GRIN1: variants seen among roughly 807,000 people sequenced by gnomAD.
GRIN1 encodes glutamate ionotropic receptor NMDA type subunit 1.
A neutral mutation model predicts 103.0 loss-of-function variants in GRIN1; 38 were observed. The ratio of observed to expected loss-of-function variants is 0.37; its 90% CI spans 0.28 to 0.48. The LOEUF is 0.48. Ranked by LOEUF, GRIN1 falls within the 20% of genes least tolerant of loss-of-function variation. The pLI, the probability that GRIN1 is intolerant of heterozygous loss-of-function variation, is 0.98. For synonymous variants in GRIN1, 544 were observed against 532.7 expected (o/e 1.02, Z -0.29); for missense variants, 577 against 1,288.9 (o/e 0.45, Z 8.46).
At chr9:137,162,368 C>G in intron 12 of GRIN1, 36 bp from the exon 13 acceptor site, 1 of 1,557,202 alleles carries the variant, frequency 6.4e-7, no homozygotes, top group East Asian at 2.3e-5. Context: ...GCCGCCTCTC[C>G]CGCCCTCTCT....
chr9:137,162,828 T>C lies in GRIN1; in HGVS notation c.2014-18T>C. 4.3e-6 allele frequency: 7 copies of C among 1,611,364 alleles called. No homozygotes were observed. Among genetic ancestry groups the C allele is most frequent in the Non-Finnish European group, 5.1e-6 (6 of 1,179,410 alleles). ...CCTGGGGAGCCGCCGCCGCGATCCC[T>C]GCCCTCCGACCCTGCAGCTGAGGAA... is the stretch of plus-strand genomic sequence containing the variant. On this transcript the variant is annotated intron_variant, in intron 14 of 19. Transcript: ENST00000371561.
intron 3 of GRIN1, among the ~76,000 whole-genome samples, chr9:137,147,440 GCACACATGCACACGCA>G (rs1278125996): frequency 6.6e-6 from 1 of 151,598 alleles, no homozygotes; most frequent in Non-Finnish European, 1.5e-5. Flanking sequence ...GCACACACAT[GCACACATGCACACGCA>G]CACACATGCA....
At position 137,146,295 on chromosome 9, in the gene GRIN1, C is replaced by T. The variant is rs1832528405; in HGVS notation, c.570+393C>T. Among the ~76,000 whole-genome samples the T allele has an allele frequency of 6.6e-6, 1 of 152,044 alleles. No individual in the cohort carries two copies. Among genetic ancestry groups the T allele is most frequent in the South Asian group, 2.1e-4 (1 of 4,816 alleles). ...CAGCCTCCCTCTGGGCAAGGTCTCC[C>T]CTGTACACGACCCCCACATACCGCC... is the stretch of plus-strand genomic sequence containing the variant. On this transcript the variant is annotated intron_variant, in intron 3 of 19. Coordinates refer to ENST00000371561, the MANE Select transcript of GRIN1 (RefSeq NM_007327.4). The surrounding 1 kb of genome is among the most constrained non-coding windows in gnomAD (Gnocchi z 6.7).
chr9:137,148,530 C>T (rs1245375168), intron 3 of GRIN1, among the ~76,000 whole-genome samples: 5 of 152,356 alleles, frequency 3.3e-5, no homozygotes, highest in South Asian at 2.1e-4. Context: ...GGAGCCCGCC[C>T]GCCTGGCCAC....
In GRIN1 at chr9:137,146,157, G is replaced by A. The variant is rs532015796; in HGVS notation, c.570+255G>A. ...GGAGCTCCGCAAACACCCCTGCCCC[G>A]CGCTGCCGAGCGCCCTCGTCCCCTC... On this transcript the variant is annotated intron_variant, in intron 3 of 19. Coordinates refer to ENST00000371561, the MANE Select transcript of GRIN1 (RefSeq NM_007327.4). The surrounding 1 kb of genome is among the most constrained non-coding windows in gnomAD (Gnocchi z 6.7). Among the ~76,000 whole-genome samples the A allele has an allele frequency of 5.3e-5, 8 of 152,122 alleles. No individual in the cohort carries two copies. Among genetic ancestry groups the A allele is most frequent in the East Asian group, 1.9e-4 (1 of 5,162 alleles).
At position 137,161,213 on chromosome 9, in the gene GRIN1, A is replaced by AGGGCGCG. The variant is rs765985485; in HGVS notation, c.1339+28_1339+34dup. ...CCGGGCAGCCGTGAGTGCGCGGGGC[A>AGGGCGCG]GGGCGCGGGGCGCGGGGCAGGGCGC... On this transcript the variant is annotated intron_variant, in intron 9 of 19. Transcript: ENST00000371561. 2.2e-5 allele frequency: 36 copies of AGGGCGCG among 1,605,824 alleles called. No homozygotes were observed. Among genetic ancestry groups the AGGGCGCG allele is most frequent in the East Asian group, 1.1e-4 (5 of 44,570 alleles).
intron 10 of GRIN1, 107 bp from the exon 11 acceptor site, chr9:137,161,817 T>C: frequency 2.6e-6 from 3 of 1,170,604 alleles, no homozygotes; most frequent in Non-Finnish European, 3.7e-6. Context: ...GGTAGGGTCT[T>C]GGGGAGAAGA....
intron 6 of GRIN1, among the ~76,000 whole-genome samples, chr9:137,157,845 C>G (rs1021423430): frequency 3.3e-5 from 5 of 152,260 alleles, no homozygotes; most frequent in Admixed American, 1.3e-4. Context: ...CACACAGACT[C>G]AGGCACATGA....
chr9:137,161,510 G>A, intron 10 of GRIN1, 94 bp downstream of exon 10: 1 of 1,230,282 alleles, frequency 8.1e-7, no homozygotes, highest in African/African-American at 1.5e-5. Context: ...GCTTGCAGAT[G>A]GTGGGGGGTC....
Position 137,167,675 on chromosome 9 carries a change from C to T in GRIN1, c.*148C>T. 7 of 1,544,414 alleles carry T rather than the reference C, an allele frequency of 4.5e-6. No homozygotes were observed. The highest frequency in any genetic ancestry group is 2.4e-5 in the East Asian group (1 of 41,602). On this transcript the variant is annotated 3_prime_UTR_variant, in exon 20 of 20. Coordinates refer to ENST00000371561, the MANE Select transcript of GRIN1 (RefSeq NM_007327.4). ...CTCCCCCAGGCTGCGCCTGCCCGCC[C>T]GCCGGTTGGCCGGCTGGCCGGTCCA...
chr9:137,148,154 TA>T (rs1473456548), intron 3 of GRIN1: 19 of 1,534,466 alleles, frequency 1.2e-5, no homozygotes, highest in African/African-American at 1.4e-5. Context: ...TTCATCAGAG[TA>T]AAAAAAGGAA....
chr9:137,151,335 TCCGCCCAGGGAAAGCC>T, intron 4 of GRIN1, among the ~76,000 whole-genome samples: 1 of 54,046 alleles, frequency 1.9e-5, no homozygotes, highest in Non-Finnish European at 3.8e-5. Flanking sequence ...CAGGGAAAGC[TCCGCCCAGGGAAAGCC>T]CCGCCCAGAA....
intron 16 of GRIN1, 106 bp from the exon 17 acceptor site, chr9:137,163,453 C>T: frequency 7.1e-7 from 1 of 1,410,846 alleles, no homozygotes; most frequent in Non-Finnish European, 1.0e-6. Context: ...GCTGCCCACT[C>T]CACGCCGCAC....
intron 14 of GRIN1, 38 bp downstream of exon 14, chr9:137,162,777 G>A (rs201079724): frequency 8.2e-5 from 131 of 1,601,718 alleles, no homozygotes; most frequent in Non-Finnish European, 1.1e-4. Flanking sequence ...AATGCGAGGT[G>A]AGCTGGGGTC....
chr9:137,164,260 C>T (rs2131304730), intron 18 of GRIN1: 2 of 377,350 alleles, frequency 5.3e-6, no homozygotes, highest in South Asian at 4.5e-5. Flanking sequence ...GTCCAAGATG[C>T]ATTTTGCCCT....
At chr9:137,161,250 C>A (rs781053419) in intron 9 of GRIN1, 39 bp from the exon 10 acceptor site, 6 of 1,610,656 alleles carry the variant, frequency 3.7e-6, no homozygotes, top group African/African-American at 2.7e-5. Context: ...GGGCGTGGGG[C>A]GGTCTGGAGC....
Position 137,156,214 on chromosome 9 carries a change from A to G in GRIN1, c.672-455A>G, listed in dbSNP as rs572160482. ...CTGGTATCTGGCCAGCAAGTGATCAATGGTGATCCATTACCATCCTGGGAC... is the reference window on the plus strand; with the variant it reads ...CTGGTATCTGGCCAGCAAGTGATCAGTGGTGATCCATTACCATCCTGGGAC... On this transcript the variant is annotated intron_variant, in intron 4 of 19. Coordinates refer to ENST00000371561, the MANE Select transcript of GRIN1 (RefSeq NM_007327.4). 3.3e-4 allele frequency among the ~76,000 whole-genome samples: 51 copies of G among 152,324 alleles called. No individual in the cohort carries two copies. The South Asian group carries it at 8.3e-3, about 25-fold the overall frequency.
intron 4 of GRIN1, among the ~76,000 whole-genome samples, chr9:137,149,663 AG>A (rs1748068561): frequency 6.6e-6 from 1 of 152,180 alleles, no homozygotes; most frequent in Admixed American, 6.5e-5. Flanking sequence ...CACTGTAAAA[AG>A]CTCCCTATTT....
chr9:137,155,747 C>A (rs1355885317), intron 4 of GRIN1, among the ~76,000 whole-genome samples: 1 of 152,224 alleles, frequency 6.6e-6, no homozygotes, highest in East Asian at 1.9e-4. Context: ...GAGGCCCCAG[C>A]CCCAGAGGAC....
Sources: allele counts gnomAD v4.1 joint callset (sites outside exome capture counted in the v4.1 genomes callset), GRCh38; gene constraint gnomAD v4.1.1; non-coding constraint Gnocchi (gnomAD v3.1); transcripts MANE v1.5; gene names NCBI Gene and HGNC (gene_info 2026-07-23, HGNC 2026-07-21).